Variants in DPYSL5 observed in about 807,000 individuals in gnomAD.
DPYSL5 encodes dihydropyrimidinase like 5, also known as dihydropyrimidinase-related protein 5.
A neutral mutation model predicts 58.4 loss-of-function variants in DPYSL5; 9 were observed. That is an observed-to-expected ratio of 0.15 (90% CI 0.09 to 0.27). The LOEUF (loss-of-function observed/expected upper bound fraction) is 0.27. Among genes scored for constraint, DPYSL5 ranks in the 10% least tolerant of loss-of-function variants. The probability of loss-of-function intolerance (pLI) is 1.00; values close to 1 mark genes in which losing one functional copy is unlikely to be tolerated. For synonymous variants in DPYSL5, 293 were observed against 301.9 expected (o/e 0.97, Z 0.31); for missense variants, 499 against 770.6 (o/e 0.65, Z 4.17).
chr2:26,889,984 A>G (rs987097761), intron 1 of DPYSL5, among the ~76,000 whole-genome samples: 4 of 152,178 alleles, frequency 2.6e-5, no homozygotes, highest in African/African-American at 4.8e-5. Flanking sequence ...GTCCACAGCG[A>G]GGCGGGATTG....
chr2:26,898,353 G>A lies in DPYSL5; in HGVS notation c.-4-143G>A, dbSNP rs1222698972. 2.6e-6 allele frequency: 3 copies of A among 1,164,144 alleles called. No homozygotes were observed. In the African/African-American group the frequency reaches 4.6e-5, roughly 18 times the overall value. 72.1% of individuals were successfully genotyped at this position (1,164,144 alleles called of 1,614,324 possible). A position where few individuals can be genotyped will look rare whatever the true frequency, so the allele number is the denominator to read the frequency against. ...TCTGGGAAGCCAGTGGGAGGCTTGTGACTCCCGCTGGCTGTAGGGGAAAGT... is the reference window on the plus strand; with the variant it reads ...TCTGGGAAGCCAGTGGGAGGCTTGTAACTCCCGCTGGCTGTAGGGGAAAGT... On this transcript the variant is annotated intron_variant, in intron 1 of 12. Coordinates refer to ENST00000288699, the MANE Select transcript of DPYSL5 (RefSeq NM_020134.4). The surrounding 1 kb of genome is among the most constrained non-coding windows in gnomAD (Gnocchi z 6.1).
intron 1 of DPYSL5, among the ~76,000 whole-genome samples, chr2:26,865,588 C>G (rs950886316): frequency 5.3e-5 from 8 of 152,108 alleles, no homozygotes; most frequent in Non-Finnish European, 1.2e-4. Context: ...GCTAGTATTA[C>G]AAGAATGAGC....
chr2:26,930,837 G>A (rs1255513218), intron 5 of DPYSL5, among the ~76,000 whole-genome samples: 3 of 151,984 alleles, frequency 2.0e-5, no homozygotes, highest in Non-Finnish European at 4.4e-5. Flanking sequence ...AGTCGGGCAT[G>A]GTGGTGGGCG....
rs953711483 is a variant in DPYSL5, at chr2:26,948,876, AAGTC to A, written c.*1884_*1887del. On this transcript the variant is annotated 3_prime_UTR_variant, in exon 13 of 13. Transcript: ENST00000288699. ...CATCTCAAAAAACAGACAAACAAAAAAGTCAGCCCCTGCACATCTCTGTAGTGCT... is the reference window on the plus strand; with the variant it reads ...CATCTCAAAAAACAGACAAACAAAAAAGCCCCTGCACATCTCTGTAGTGCT... 6.6e-6 allele frequency: 1 copy of A among 152,394 alleles called. No homozygotes were observed. The highest frequency in any genetic ancestry group is 1.5e-5 in the Non-Finnish European group (1 of 68,266). 9.4% of individuals were successfully genotyped at this position (152,394 alleles called of 1,614,324 possible).
intron 2 of DPYSL5, among the ~76,000 whole-genome samples, chr2:26,903,885 C>A (rs1664222834): frequency 1.3e-5 from 2 of 152,192 alleles, no homozygotes; most frequent in Non-Finnish European, 2.9e-5. Flanking sequence ...GAGAAGTTGG[C>A]AGTAGCAGAG....
In DPYSL5 at chr2:26,933,160, G is replaced by C. The variant is rs979808320; in HGVS notation, c.715-98G>C. 92 of 1,037,564 alleles carry C rather than the reference G, an allele frequency of 8.9e-5. No homozygotes were observed. In the African/African-American group the frequency reaches 1.3e-3, roughly 15 times the overall value. 64.3% of individuals were successfully genotyped at this position (1,037,564 alleles called of 1,614,324 possible). ...AGGGTGGGGTTGAGTGACGCAGGGG[G>C]AGGCGCTGGTGCCAGGGCTGACTTT... On this transcript the variant is annotated intron_variant, in intron 6 of 12. Transcript: ENST00000288699. The surrounding 1 kb of genome is among the most constrained non-coding windows in gnomAD (Gnocchi z 4.2).
At chr2:26,896,221 C>T (rs1229594119) in intron 1 of DPYSL5, among the ~76,000 whole-genome samples, 1 of 152,156 alleles carries the variant, frequency 6.6e-6, no homozygotes, top group Non-Finnish European at 1.5e-5. Flanking sequence ...GACAGGACCT[C>T]CCCCTTTTTT....
intron 5 of DPYSL5, among the ~76,000 whole-genome samples, chr2:26,931,150 A>AT (rs1474398075): frequency 8.5e-4 from 39 of 45,758 alleles, no homozygotes; most frequent in African/African-American, 1.2e-3. Flanking sequence ...AAAAAAAAAA[A>AT]AAATATATAT....
chr2:26,858,697 G>A (rs1665938789), intron 1 of DPYSL5, among the ~76,000 whole-genome samples: 1 of 150,478 alleles, frequency 6.6e-6, no homozygotes, highest in Non-Finnish European at 1.5e-5. Flanking sequence ...CCAAGTAGCT[G>A]GGACCACAGG....
intron 2 of DPYSL5, among the ~76,000 whole-genome samples, chr2:26,906,867 A>C (rs13390390): frequency 0.39 from 58,941 of 151,038 alleles, 11,832 homozygotes; most frequent in Admixed American, 0.54. Flanking sequence ...CTCAAGCCAT[A>C]CTCCCACCTC....
intron 1 of DPYSL5, among the ~76,000 whole-genome samples, chr2:26,872,418 G>A (rs1426610176): frequency 1.3e-5 from 2 of 152,178 alleles, no homozygotes; most frequent in African/African-American, 2.4e-5. Flanking sequence ...TGGGCCAGGC[G>A]CGGTGGCTCA....
chr2:26,872,685 C>CAA (rs57455387), intron 1 of DPYSL5, among the ~76,000 whole-genome samples: 24 of 142,830 alleles, frequency 1.7e-4, no homozygotes, highest in African/African-American at 5.0e-4. Context: ...GACTCTGTCT[C>CAA]AAAAAAAAAA....
At position 26,944,436 on chromosome 2, in the gene DPYSL5, A is replaced by T. The variant is rs1163715171; in HGVS notation, c.1441-220A>T. Among the ~76,000 whole-genome samples the T allele has an allele frequency of 6.6e-6, 1 of 152,216 alleles. No individual in the cohort carries two copies. The highest frequency in any genetic ancestry group is 1.5e-5 in the Non-Finnish European group (1 of 68,036). The stretch of plus-strand genomic sequence containing the variant: ...CATGTGCACTCACATACATGCACGC[A>T]TGCACACATGTACACATATGCACAT... On this transcript the variant is annotated intron_variant, in intron 11 of 12. Transcript: ENST00000288699. The surrounding 1 kb of genome is among the most constrained non-coding windows in gnomAD (Gnocchi z 4.4).
chr2:26,946,405 T>A (rs1665486459), intron 12 of DPYSL5, among the ~76,000 whole-genome samples: 1 of 152,000 alleles, frequency 6.6e-6, no homozygotes, highest in South Asian at 2.1e-4. Context: ...TTGTGTTTTG[T>A]TTGTTTTTGT....
At chr2:26,851,186 G>A in intron 1 of DPYSL5, among the ~76,000 whole-genome samples, 1 of 152,244 alleles carries the variant, frequency 6.6e-6, no homozygotes, top group African/African-American at 2.4e-5. Flanking sequence ...AACAATTTCA[G>A]GAAGGAGTGT....
chr2:26,901,644 G>C (rs995613097), intron 2 of DPYSL5, among the ~76,000 whole-genome samples: 4 of 152,114 alleles, frequency 2.6e-5, no homozygotes, highest in Non-Finnish European at 5.9e-5. Context: ...GTTTATAATA[G>C]AACAGTAATC....
At chr2:26,865,977 A>C (rs1349681133) in intron 1 of DPYSL5, among the ~76,000 whole-genome samples, 1 of 152,210 alleles carries the variant, frequency 6.6e-6, no homozygotes, top group African/African-American at 2.4e-5. Context: ...CATCAGGGAC[A>C]GTGAGGGGCA....
chr2:26,935,840 G>A lies in DPYSL5; in HGVS notation c.947+1106G>A, dbSNP rs906322676. On this transcript the variant is annotated intron_variant, in intron 8 of 12. Coordinates refer to ENST00000288699, the MANE Select transcript of DPYSL5 (RefSeq NM_020134.4). ...GGGTAGGAGGACTAGGACAAAAGGC[G>A]AGGGGATTCTTCTCCATACCCAAGC... is the stretch of plus-strand genomic sequence containing the variant. Among the ~76,000 whole-genome samples, 6 of 152,136 alleles carry A rather than the reference G, an allele frequency of 3.9e-5. No individual in the cohort carries two copies. The East Asian group carries it at 7.7e-4, about 20-fold the overall frequency.
intron 5 of DPYSL5, 36 bp from the exon 6 acceptor site, chr2:26,931,604 G>C (rs1664990259): frequency 6.2e-7 from 1 of 1,612,948 alleles, no homozygotes; most frequent in Non-Finnish European, 8.5e-7. Context: ...AGGAGATGGT[G>C]AAGTTTGGTT....
Sources: allele counts gnomAD v4.1 joint callset (sites outside exome capture counted in the v4.1 genomes callset), GRCh38; gene constraint gnomAD v4.1.1; non-coding constraint Gnocchi (gnomAD v3.1); transcripts MANE v1.5; gene names NCBI Gene and HGNC (gene_info 2026-07-23, HGNC 2026-07-21).